The following TTC27 variants were observed in gnomAD, a reference collection of about 807,000 sequenced individuals.
TTC27 encodes the protein tetratricopeptide repeat domain 27.
In TTC27, 79 loss-of-function variants were observed where a neutral mutation model predicts 115.9. That is an observed-to-expected ratio of 0.68 (90% CI 0.57 to 0.82). The LOEUF (loss-of-function observed/expected upper bound fraction) is 0.82, where lower values mean the gene tolerates loss of function less well. TTC27 is among the 40% of genes least tolerant of loss of function. The probability of loss-of-function intolerance (pLI) is 0.00; values close to 1 mark genes in which losing one functional copy is unlikely to be tolerated. For synonymous variants in TTC27, 401 were observed against 356.0 expected (o/e 1.13, Z -1.42); for missense variants, 1,054 against 993.1 (o/e 1.06, Z -0.82).
In TTC27 at chr2:32,628,352, A is replaced by G. The variant is rs1485316300; in HGVS notation, c.60A>G (p.Gln20=). 1.9e-6 allele frequency: 3 copies of G among 1,607,438 alleles called. No homozygotes were observed. The highest frequency in any genetic ancestry group is 8.5e-7 in the Non-Finnish European group (1 of 1,177,956). The change falls in exon 1 of 20, where the codon CAA becomes CAG. Residue 20 remains glutamine (Q), a synonymous_variant. Transcript: ENST00000317907. The part of the protein sequence containing the change: ...RGFPTEAERQ[Q]WKQEGVVGSE... ...TCCCCACTGAGGCTGAGCGGCAGCA[A>G]TGGAAACAGGAGGGGGTCGTCGGTT...
chr2:32,654,954 C>A (rs188164830), intron 5 of TTC27, among the ~76,000 whole-genome samples: 8 of 151,116 alleles, frequency 5.3e-5, no homozygotes, highest in Non-Finnish European at 8.8e-5. Context: ...CCTCAGCCCC[C>A]CAAAGTGCTT....
intron 4 of TTC27, among the ~76,000 whole-genome samples, chr2:32,642,063 G>A (rs1312169101): frequency 1.3e-5 from 2 of 151,610 alleles, no homozygotes; most frequent in African/African-American, 4.8e-5. Flanking sequence ...CTCCACATTG[G>A]TCAGGCTGGT....
At chr2:32,668,003 G>C (rs1298111319) in intron 7 of TTC27, among the ~76,000 whole-genome samples, 1 of 151,516 alleles carries the variant, frequency 6.6e-6, no homozygotes, top group African/African-American at 2.4e-5. Context: ...GGCTAACATG[G>C]TGAAACCCCG....
rs1050382307 is a variant in TTC27 at position 32,668,458 on chromosome 2, T to A, written c.939+1690T>A. ...TATTATGAGAAATGTATGAAAATGATGTACCATTTAATACAGAATTTTAAT... is the reference window on the plus strand; with the variant it reads ...TATTATGAGAAATGTATGAAAATGAAGTACCATTTAATACAGAATTTTAAT... On this transcript the variant is annotated intron_variant, in intron 7 of 19. Coordinates refer to ENST00000317907, the MANE Select transcript of TTC27 (RefSeq NM_017735.5). Among the ~76,000 whole-genome samples the A allele has an allele frequency of 1.2e-4, 19 of 152,022 alleles. No individual in the cohort carries two copies. In the East Asian group the frequency reaches 2.5e-3, roughly 20 times the overall value.
chr2:32,785,708 G>A (rs111326282), intron 15 of TTC27, among the ~76,000 whole-genome samples: 19,132 of 152,174 alleles, frequency 0.13, 1,403 homozygotes, highest in African/African-American at 0.21. Context: ...CGACTCTCCT[G>A]CCTCAGCCTC....
At chr2:32,691,616 G>A (rs11124287) in intron 9 of TTC27, among the ~76,000 whole-genome samples, 92,481 of 151,940 alleles carry the variant, frequency 0.61, 28,790 homozygotes, top group South Asian at 0.76. Flanking sequence ...CTTAATCTTT[G>A]ATGAATACTT....
At chr2:32,708,970 A>G (rs973773071) in intron 10 of TTC27, among the ~76,000 whole-genome samples, 1 of 152,214 alleles carries the variant, frequency 6.6e-6, no homozygotes, top group Non-Finnish European at 1.5e-5. Context: ...TTAGGGAGTC[A>G]AAAGTCATAT....
At chr2:32,630,770 G>A in intron 2 of TTC27, 70 bp downstream of exon 2, 2 of 1,420,064 alleles carry the variant, frequency 1.4e-6, no homozygotes, top group Non-Finnish European at 1.9e-6. Flanking sequence ...GACAGGGTAA[G>A]GCCCTGATTT....
intron 1 of TTC27, among the ~76,000 whole-genome samples, 164 bp downstream of exon 1, chr2:32,628,544 ACTTT>A (rs1337894093): frequency 6.6e-6 from 1 of 152,074 alleles, no homozygotes; most frequent in Non-Finnish European, 1.5e-5. Context: ...CGTGGTCCTC[ACTTT>A]CTTTGCGCAA....
chr2:32,641,440 A>G (rs981223030), intron 4 of TTC27, among the ~76,000 whole-genome samples: 7 of 152,196 alleles, frequency 4.6e-5, no homozygotes, highest in African/African-American at 1.7e-4. Flanking sequence ...CACATTCACA[A>G]AATATTATTC....
chr2:32,756,990 C>T (rs116367721), intron 12 of TTC27, among the ~76,000 whole-genome samples: 2,627 of 152,138 alleles, frequency 0.017, 62 homozygotes, highest in African/African-American at 0.06. Context: ...AGAATAATGC[C>T]GAAGTCTGTG....
intron 4 of TTC27, among the ~76,000 whole-genome samples, chr2:32,644,039 G>T (rs893061889): frequency 9.2e-5 from 14 of 151,880 alleles, no homozygotes; most frequent in African/African-American, 3.4e-4. Flanking sequence ...AAGTTAGCCG[G>T]GTGTAATGGC....
chr2:32,756,859 C>G (rs1012739765), intron 12 of TTC27, among the ~76,000 whole-genome samples: 23 of 152,152 alleles, frequency 1.5e-4, no homozygotes, highest in African/African-American at 5.3e-4. Flanking sequence ...GCTTCTTGGT[C>G]TATGTTGAAG....
chr2:32,743,611 C>T (rs1424653155), intron 12 of TTC27, among the ~76,000 whole-genome samples: 1 of 152,162 alleles, frequency 6.6e-6, no homozygotes, highest in Non-Finnish European at 1.5e-5. Flanking sequence ...CTGGACTGTT[C>T]TATCGCAAAA....
At position 32,648,235 on chromosome 2, in the gene TTC27, C is replaced by A. The variant is rs1348000208; in HGVS notation, c.538-1896C>A. Among the ~76,000 whole-genome samples, 6 of 152,174 alleles carry A rather than the reference C, an allele frequency of 3.9e-5. No individual in the cohort carries two copies. The East Asian group carries it at 9.7e-4, about 24-fold the overall frequency. On this transcript the variant is annotated intron_variant, in intron 4 of 19. Coordinates refer to ENST00000317907, the MANE Select transcript of TTC27 (RefSeq NM_017735.5). ...CTCCGCCTCCTGGGTTCAAGTGATT[C>A]TCCTGCTTCAACCTCCCGAGTAGCT...
Position 32,777,502 on chromosome 2 carries a change from C to T in TTC27, c.1681-380C>T, listed in dbSNP as rs565338566. ...ATTTGTATTGTTTAGGGAATAATGA[C>T]AAGAAAAAAATGTTTGTACATGTTC... On this transcript the variant is annotated intron_variant, in intron 13 of 19. Coordinates refer to ENST00000317907, the MANE Select transcript of TTC27 (RefSeq NM_017735.5). 3.3e-5 allele frequency among the ~76,000 whole-genome samples: 5 copies of T among 152,086 alleles called. No individual in the cohort carries two copies. The South Asian group carries it at 8.3e-4, about 25-fold the overall frequency.
chr2:32,662,501 G>T (rs954501684), intron 5 of TTC27, among the ~76,000 whole-genome samples: 1 of 152,110 alleles, frequency 6.6e-6, no homozygotes, highest in Non-Finnish European at 1.5e-5. Flanking sequence ...TCTTGGGAGG[G>T]TGTATGCATC....
At chr2:32,677,142 A>G (rs761036370) in intron 8 of TTC27, among the ~76,000 whole-genome samples, 5 of 152,136 alleles carry the variant, frequency 3.3e-5, no homozygotes, top group Non-Finnish European at 5.9e-5. Context: ...GTATCTTATA[A>G]TAAATATATA....
At chr2:32,817,632 T>A (rs1490798761) in intron 19 of TTC27, 75 bp downstream of exon 19, 3 of 1,279,616 alleles carry the variant, frequency 2.3e-6, no homozygotes, top group Non-Finnish European at 3.4e-6. Flanking sequence ...TGCTGTTAAA[T>A]CTTCTTTTAC....
Sources: allele counts gnomAD v4.1 joint callset (sites outside exome capture counted in the v4.1 genomes callset), GRCh38; gene constraint gnomAD v4.1.1; transcripts MANE v1.5; gene names NCBI Gene and HGNC (gene_info 2026-07-23, HGNC 2026-07-21).